CARF: variants seen among roughly 807,000 people sequenced by gnomAD.
CARF encodes calcium responsive transcription factor, also known as calcium-responsive transcription factor.
CARF carries 57 observed loss-of-function variants against 82.0 expected under a neutral mutation model. That is an observed-to-expected ratio of 0.70 (90% CI 0.56 to 0.87). CARF has a LOEUF of 0.87. Ranked by LOEUF, CARF falls within the 40% of genes least tolerant of loss-of-function variation. The pLI is 0.00. For synonymous variants in CARF, 268 were observed against 290.1 expected (o/e 0.92, Z 0.77); for missense variants, 771 against 855.8 (o/e 0.90, Z 1.24).
intron 5 of CARF, among the ~76,000 whole-genome samples, chr2:202,946,977 C>T (rs2105823200): frequency 6.6e-6 from 1 of 152,310 alleles, no homozygotes; most frequent in South Asian, 2.1e-4. Context: ...CTGGAAACAA[C>T]AGATGCTGGC....
At chr2:202,935,954 C>CT (rs1254405089) in intron 3 of CARF, among the ~76,000 whole-genome samples, 1 of 151,722 alleles carries the variant, frequency 6.6e-6, no homozygotes, top group African/African-American at 2.4e-5. Flanking sequence ...ATAATTACGA[C>CT]TACAGACATG....
intron 8 of CARF, among the ~76,000 whole-genome samples, chr2:202,958,707 C>T (rs906890343): frequency 2.6e-5 from 4 of 151,890 alleles, no homozygotes; most frequent in Non-Finnish European, 5.9e-5. Flanking sequence ...GAGATTGAGA[C>T]CATCCTGGCC....
chr2:202,980,661 T>TATATATATATATATATAC (rs1309966072), intron 14 of CARF, among the ~76,000 whole-genome samples: 1 of 125,434 alleles, frequency 8.0e-6, no homozygotes, highest in African/African-American at 3.1e-5. Context: ...TATATATATA[T>TATATATATATATATATAC]AGTTGTGCCT....
intron 5 of CARF, among the ~76,000 whole-genome samples, chr2:202,943,587 T>TACACACACACACACACACACACACACAC (rs754214990): frequency 1.7e-5 from 2 of 115,158 alleles, no homozygotes; most frequent in African/African-American, 3.2e-5. Context: ...TAATGGAATG[T>TACACACACACACACACACACACACACAC]ACACACACAC....
chr2:202,973,861 G>A (rs921239121), intron 12 of CARF, among the ~76,000 whole-genome samples: 4 of 152,196 alleles, frequency 2.6e-5, no homozygotes, highest in Admixed American at 6.5e-5. Flanking sequence ...GCCGAGGCGG[G>A]CGGATCGCGA....
intron 3 of CARF, among the ~76,000 whole-genome samples, chr2:202,940,042 T>C (rs1255254243): frequency 6.6e-6 from 1 of 151,800 alleles, no homozygotes; most frequent in Non-Finnish European, 1.5e-5. Context: ...TTTGTTTGTT[T>C]GTTTGTTTTG....
chr2:202,965,830 T>C (rs1233081289), intron 9 of CARF, among the ~76,000 whole-genome samples: 1 of 152,234 alleles, frequency 6.6e-6, no homozygotes, highest in Admixed American at 6.5e-5. Flanking sequence ...TCTACTTATT[T>C]GTATTATCTA....
intron 3 of CARF, among the ~76,000 whole-genome samples, chr2:202,938,795 A>C (rs1221677730): frequency 6.6e-6 from 1 of 151,392 alleles, no homozygotes; most frequent in Non-Finnish European, 1.5e-5. Context: ...TGGCAGGCTG[A>C]TCTCAAACTT....
chr2:202,943,286 C>T (rs2058321547), intron 5 of CARF, among the ~76,000 whole-genome samples: 1 of 152,070 alleles, frequency 6.6e-6, no homozygotes, highest in African/African-American at 2.4e-5. Flanking sequence ...GTTGGCCAGG[C>T]TGGCCTCAAA....
chr2:202,974,013 G>T (rs1011575283), intron 12 of CARF, among the ~76,000 whole-genome samples: 1 of 151,546 alleles, frequency 6.6e-6, no homozygotes, highest in Non-Finnish European at 1.5e-5. Context: ...GCTTGAACCC[G>T]GGAGGCAGAG....
rs750244383 is a variant in CARF at position 202,981,540 on chromosome 2, T to C, written c.1559-15T>C. ...CCATAAAAATTATTTTAATAGTTTC[T>C]TTAATATAATTTAGGAAATTCACCA... On this transcript the variant is annotated splice_polypyrimidine_tract_variant and intron_variant, in intron 14 of 16. Coordinates refer to ENST00000438828, the MANE Select transcript of CARF (RefSeq NM_024744.17). 1.3e-6 allele frequency: 2 copies of C among 1,522,902 alleles called. No homozygotes were observed. Among genetic ancestry groups the C allele is most frequent in the South Asian group, 1.2e-5 (1 of 81,440 alleles). 94.3% of individuals were successfully genotyped at this position (1,522,902 alleles called of 1,614,324 possible).
At chr2:202,923,426 G>T (rs1339347701) in intron 2 of CARF, among the ~76,000 whole-genome samples, 1 of 152,080 alleles carries the variant, frequency 6.6e-6, no homozygotes, top group Non-Finnish European at 1.5e-5. Flanking sequence ...TAACCAAGGA[G>T]GTGAAACACC....
chr2:202,917,356 G>A (rs527624555), intron 1 of CARF, among the ~76,000 whole-genome samples: 1 of 151,712 alleles, frequency 6.6e-6, no homozygotes, highest in Admixed American at 6.6e-5. Flanking sequence ...AAAATTTAAT[G>A]CTTTAGTGTG....
chr2:202,916,058 C>T (rs956672251), intron 1 of CARF, among the ~76,000 whole-genome samples: 2 of 151,960 alleles, frequency 1.3e-5, no homozygotes, highest in Non-Finnish European at 2.9e-5. Flanking sequence ...ATTTTTGACA[C>T]CACTGATTCA....
In CARF at chr2:202,986,897, T is replaced by TACATATAC. The variant is rs2060466105; in HGVS notation, c.*3274_*3275insCATATACA. ...ATATATATATATATATATATATATATATATATATATAGCAACTTGATGTAT... is the reference window on the plus strand; with the variant it reads ...ATATATATATATATATATATATATATACATATACATATATATATAGCAACTTGATGTAT... On this transcript the variant is annotated 3_prime_UTR_variant, in exon 17 of 17. Transcript: ENST00000438828. 7.4e-6 allele frequency: 1 copy of TACATATAC among 135,942 alleles called. No homozygotes were observed. Among genetic ancestry groups the TACATATAC allele is most frequent in the South Asian group, 2.4e-4 (1 of 4,214 alleles). The allele number at this position is 135,942 out of a possible 1,614,324, so 8.4% of individuals were successfully genotyped here. A position where few individuals can be genotyped will look rare whatever the true frequency, so the allele number is the denominator to read the frequency against.
Position 202,981,641 on chromosome 2 carries a change from T to C in CARF, c.1645T>C (p.Ser549Pro). 1 of 1,612,102 alleles carries C rather than the reference T, an allele frequency of 6.2e-7. No homozygotes were observed. The highest frequency in any genetic ancestry group is 2.2e-5 in the East Asian group (1 of 44,824). The change falls in exon 15 of 17, where the codon TCC becomes CCC. Residue 549 changes from serine to proline, a missense_variant. Transcript: ENST00000438828. Reference protein sequence around the residue: ...SLSPEPTHLLSSLSSFQPKIF... With the variant: ...SLSPEPTHLLPSLSSFQPKIF... Reference sequence around the variant, plus strand: ...GTCTCCTGAGCCAACCCACTTGCTCTCCTCACTCTCCTCATTTCAGCCCAA... The same window carrying C: ...GTCTCCTGAGCCAACCCACTTGCTCCCCTCACTCTCCTCATTTCAGCCCAA...
At chr2:202,918,084 A>T (rs1039349627) in intron 2 of CARF, 41 bp downstream of exon 2, 1 of 443,120 alleles carries the variant, frequency 2.3e-6, no homozygotes, top group Non-Finnish European at 4.5e-6. Context: ...ACTTTATTTT[A>T]AAAAGTTAAC....
chr2:202,964,696 A>G (rs1298705750), intron 9 of CARF, among the ~76,000 whole-genome samples: 4 of 152,026 alleles, frequency 2.6e-5, no homozygotes, highest in African/African-American at 9.7e-5. Context: ...TCTATCTTCC[A>G]GCTTCAACAA....
intron 3 of CARF, among the ~76,000 whole-genome samples, chr2:202,939,433 T>C (rs766904457): frequency 2.0e-5 from 3 of 152,150 alleles, no homozygotes; most frequent in Non-Finnish European, 4.4e-5. Context: ...ACAGTGTGTT[T>C]ATCGGGATAG....
Sources: allele counts gnomAD v4.1 joint callset (sites outside exome capture counted in the v4.1 genomes callset), GRCh38; gene constraint gnomAD v4.1.1; transcripts MANE v1.5; gene names NCBI Gene and HGNC (gene_info 2026-07-23, HGNC 2026-07-21).